Variants in DENND4B observed in about 807,000 individuals in gnomAD.
DENND4B encodes the protein DENN domain-containing protein 4B.
Under a neutral mutation model 161.0 loss-of-function variants are expected in DENND4B, and 67 were observed. The ratio of observed to expected loss-of-function variants is 0.42; its 90% CI spans 0.34 to 0.51. DENND4B has a LOEUF of 0.51. Ranked by LOEUF, DENND4B falls within the 20% of genes least tolerant of loss-of-function variation. DENND4B has a pLI of 0.08. For synonymous variants in DENND4B, 753 were observed against 813.8 expected (o/e 0.93, Z 1.27); for missense variants, 1,481 against 1,968.0 (o/e 0.75, Z 4.68).
chr1:153,940,818 G>A lies in DENND4B; in HGVS notation c.1326+86C>T, dbSNP rs1679621300. 1 of 1,492,608 alleles carries A rather than the reference G, an allele frequency of 6.7e-7. No homozygotes were observed. The highest frequency in any genetic ancestry group is 8.9e-7 in the Non-Finnish European group (1 of 1,124,894). 92.5% of individuals were successfully genotyped at this position (1,492,608 alleles called of 1,614,324 possible). The stretch of plus-strand genomic sequence containing the variant: ...GGGGCTGAGGATCCTCCACAAGGAA[G>A]GAAAAGGGAAGAGTCCAGGCAGGGA... On this transcript the variant is annotated intron_variant, in intron 9 of 27. Coordinates refer to ENST00000361217, the MANE Select transcript of DENND4B (RefSeq NM_014856.3). This position sits in a 1 kb window ranked among gnomAD's most constrained non-coding sequence, Gnocchi z 5.6.
intron 24 of DENND4B, among the ~76,000 whole-genome samples, chr1:153,931,930 A>C (rs1678974921): frequency 6.6e-6 from 1 of 151,780 alleles, no homozygotes. Context: ...CAGCCTCCCG[A>C]GTAGCTGGGA....
chr1:153,946,562 C>T lies in DENND4B; in HGVS notation c.-285G>A. The T allele has an allele frequency of 2.6e-6, 1 of 389,228 alleles. No homozygotes were observed. The highest frequency in any genetic ancestry group is 4.5e-6 in the Non-Finnish European group (1 of 219,834). The allele number at this position is 389,228 out of a possible 1,614,324, so 24.1% of individuals were successfully genotyped here. A position where few individuals can be genotyped will look rare whatever the true frequency, so the allele number is the denominator to read the frequency against. ...CTGTGCTGCCGCGCTGCTCGCTCGG[C>T]CGGCTCGGTCCTCCCAGCTCCCGCG... On this transcript the variant is annotated 5_prime_UTR_variant, in exon 1 of 28. Transcript: ENST00000361217. The surrounding 1 kb of genome is among the most constrained non-coding windows in gnomAD (Gnocchi z 6.3).
At chr1:153,931,447 C>T (rs908369452) in intron 24 of DENND4B, among the ~76,000 whole-genome samples, 32 of 151,636 alleles carry the variant, frequency 2.1e-4, no homozygotes, top group Admixed American at 4.6e-4. Flanking sequence ...TAAAGTGAAA[C>T]GGCAAGGATC....
chr1:153,940,787 G>A lies in DENND4B; in HGVS notation c.1326+117C>T. ...TATGTGTTCCTGCAGGCTGTGCCCA[G>A]GGAAAGGGGCTGAGGATCCTCCACA... On this transcript the variant is annotated intron_variant, in intron 9 of 27. Coordinates refer to ENST00000361217, the MANE Select transcript of DENND4B (RefSeq NM_014856.3). This position sits in a 1 kb window ranked among gnomAD's most constrained non-coding sequence, Gnocchi z 5.6. 2 of 1,462,974 alleles carry A rather than the reference G, an allele frequency of 1.4e-6. No homozygotes were observed. The highest frequency in any genetic ancestry group is 5.0e-5 in the Admixed American group (2 of 39,642). The allele number at this position is 1,462,974 out of a possible 1,614,324, so 90.6% of individuals were successfully genotyped here. A position where few individuals can be genotyped will look rare whatever the true frequency, so the allele number is the denominator to read the frequency against.
chr1:153,933,864 C>T lies in DENND4B; in HGVS notation c.2949G>A (p.Glu983=), dbSNP rs1217403952. Residue 983 remains glutamate (E), a synonymous_variant, in exon 20 of 28, where the codon GAG becomes GAA. Coordinates refer to ENST00000361217, the MANE Select transcript of DENND4B (RefSeq NM_014856.3). This position sits in a 1 kb window ranked among gnomAD's most constrained non-coding sequence, Gnocchi z 5.7. ...CCCGGGGTTCCAGGACCCCCAAGGC[C>T]TCTATCACTGCAGCACAGAAAAGAA... ...TVEAGVAHMI[E]ALGVLEPRGS... is the part of the protein sequence containing the mutation. 6 of 1,612,608 alleles carry T rather than the reference C, an allele frequency of 3.7e-6. No homozygotes were observed. Among genetic ancestry groups the T allele is most frequent in the Non-Finnish European group, 4.2e-6 (5 of 1,179,592 alleles).
chr1:153,933,284 T>C lies in DENND4B; in HGVS notation c.3366A>G (p.Ser1122=), dbSNP rs780273724. ...GACTCAGGTTGCTGAGAGAAGATTC[T>C]GAGAGGTCCCACTCACTGCCCAGAG... is the stretch of plus-strand genomic sequence containing the variant. ...SASLGSEWDL[S]ESSLSNLSLR... Residue 1122 remains serine (S), a synonymous_variant, in exon 21 of 28, where the codon TCA becomes TCG. Coordinates refer to ENST00000361217, the MANE Select transcript of DENND4B (RefSeq NM_014856.3). The surrounding 1 kb of genome is among the most constrained non-coding windows in gnomAD (Gnocchi z 5.7). 6.2e-6 allele frequency: 10 copies of C among 1,613,276 alleles called. No individual in the cohort carries two copies. The Admixed American group carries it at 1.5e-4, about 24-fold the overall frequency.
chr1:153,930,662 C>G lies in DENND4B; in HGVS notation c.4280+30G>C, dbSNP rs745448760. The stretch of plus-strand genomic sequence containing the variant: ...AAAGGGGTGTGGAGCCCCGGACAGA[C>G]CAGGGATCACCCAGATGGTAGCACC... On this transcript the variant is annotated intron_variant, in intron 26 of 27. Coordinates refer to ENST00000361217, the MANE Select transcript of DENND4B (RefSeq NM_014856.3). The surrounding 1 kb of genome is among the most constrained non-coding windows in gnomAD (Gnocchi z 4.7). 1 of 1,613,468 alleles carries G rather than the reference C, an allele frequency of 6.2e-7. No individual in the cohort carries two copies. Among genetic ancestry groups the G allele is most frequent in the African/African-American group, 1.3e-5 (1 of 75,042 alleles).
rs1395837891 is a variant in DENND4B, at chr1:153,946,106, T to A, written c.-24+195A>T. On this transcript the variant is annotated intron_variant, in intron 1 of 27. Coordinates refer to ENST00000361217, the MANE Select transcript of DENND4B (RefSeq NM_014856.3). This position sits in a 1 kb window ranked among gnomAD's most constrained non-coding sequence, Gnocchi z 6.3. ...CGGCACCCACGGGAGCAGAAGGGGGTGCAGGAGGCCGGGCACGGCGAGCTA... is the reference window on the plus strand; with the variant it reads ...CGGCACCCACGGGAGCAGAAGGGGGAGCAGGAGGCCGGGCACGGCGAGCTA... Among the ~76,000 whole-genome samples the A allele has an allele frequency of 6.6e-6, 1 of 151,832 alleles. No homozygotes were observed. Among genetic ancestry groups the A allele is most frequent in the Non-Finnish European group, 1.5e-5 (1 of 67,946 alleles).
chr1:153,934,771 C>A lies in DENND4B; in HGVS notation c.2762G>T (p.Ser921Ile). 1 of 1,612,524 alleles carries A rather than the reference C, an allele frequency of 6.2e-7. No homozygotes were observed. The change falls in exon 18 of 28, where the codon AGC becomes ATC. Residue 921 changes from serine to isoleucine, a missense_variant. Transcript: ENST00000361217. This position sits in a 1 kb window ranked among gnomAD's most constrained non-coding sequence, Gnocchi z 5.3. Reference protein sequence around the residue: ...EQVSAHQEAGSSQAEPYLERP... With the variant: ...EQVSAHQEAGISQAEPYLERP... ...CAGGCCCTACCCACCTGCCTGGGAG[C>A]TGCCTGCCTCTTGATGTGCTGACAC... is the stretch of plus-strand genomic sequence containing the variant.
rs187284284 is a variant in DENND4B at position 153,932,783 on chromosome 1, G to A, written c.3624-6C>T. The A allele has an allele frequency of 3.5e-4, 567 of 1,613,924 alleles. 1 individual carries two copies. The African/African-American group carries it at 6.9e-3, about 20-fold the overall frequency. The stretch of plus-strand genomic sequence containing the variant: ...CAGATTTGGGGCTGGGGACACTGCA[G>A]GGGGATAGCAGCAGGGGTCAGCTTT... On this transcript the variant is annotated splice_polypyrimidine_tract_variant and splice_region_variant and intron_variant, in intron 22 of 27. Transcript: ENST00000361217. The surrounding 1 kb of genome is among the most constrained non-coding windows in gnomAD (Gnocchi z 5.8).
chr1:153,936,509 C>T lies in DENND4B; in HGVS notation c.2439+33G>A. On this transcript the variant is annotated intron_variant, in intron 16 of 27. Transcript: ENST00000361217. The surrounding 1 kb of genome is among the most constrained non-coding windows in gnomAD (Gnocchi z 4.1). ...TCCAGCTGCACAAGGCTCACTGGGC[C>T]TGGGTATGAGCATGGTCACATAGAT... is the stretch of plus-strand genomic sequence containing the variant. 2 of 1,527,970 alleles carry T rather than the reference C, an allele frequency of 1.3e-6. No homozygotes were observed. The highest frequency in any genetic ancestry group is 1.3e-5 in the South Asian group (1 of 79,808). 94.7% of individuals were successfully genotyped at this position (1,527,970 alleles called of 1,614,324 possible).
Position 153,945,000 on chromosome 1 carries a change from G to A in DENND4B, c.-23-603C>T, listed in dbSNP as rs1173704602. On this transcript the variant is annotated intron_variant, in intron 1 of 27. Transcript: ENST00000361217. This position sits in a 1 kb window ranked among gnomAD's most constrained non-coding sequence, Gnocchi z 4.8. ...CTCCACCAATCTGGCCCAAAATCCA[G>A]TGTTCTCACACCTCCAGGATCCTTA... 3.0e-6 allele frequency: 3 copies of A among 1,005,048 alleles called. No individual in the cohort carries two copies. Among genetic ancestry groups the A allele is most frequent in the Non-Finnish European group, 3.9e-6 (3 of 772,712 alleles). 62.3% of individuals were successfully genotyped at this position (1,005,048 alleles called of 1,614,324 possible).
Position 153,929,674 on chromosome 1 carries a change from C to T in DENND4B, c.*623G>A, listed in dbSNP as rs1678792791. 1 of 152,266 alleles carries T rather than the reference C, an allele frequency of 6.6e-6. No homozygotes were observed. The highest frequency in any genetic ancestry group is 2.4e-5 in the African/African-American group (1 of 41,410). 9.4% of individuals were successfully genotyped at this position (152,266 alleles called of 1,614,324 possible). On this transcript the variant is annotated 3_prime_UTR_variant, in exon 28 of 28. Coordinates refer to ENST00000361217, the MANE Select transcript of DENND4B (RefSeq NM_014856.3). ...TCTTCCTAAGGGGAGCTTGAGACTC[C>T]TCTAGCTCCCAGTGCCTGACTTTGA...
chr1:153,937,714 A>G lies in DENND4B; in HGVS notation c.2105+10T>C. 3 of 1,614,044 alleles carry G rather than the reference A, an allele frequency of 1.9e-6. No homozygotes were observed. The highest frequency in any genetic ancestry group is 2.5e-6 in the Non-Finnish European group (3 of 1,179,898). ...GACCCTGGAACATGTGAAGGCTAAG[A>G]GACTCTCACCAGTACTGGGGAGTGG... On this transcript the variant is annotated intron_variant, in intron 14 of 27. Transcript: ENST00000361217. The surrounding 1 kb of genome is among the most constrained non-coding windows in gnomAD (Gnocchi z 4.7).
At chr1:153,941,074 AG>A in intron 8 of DENND4B, 26 bp from the exon 9 acceptor site, 1 of 1,551,824 alleles carries the variant, frequency 6.4e-7, no homozygotes, top group Non-Finnish European at 8.7e-7. Flanking sequence ...AGGTGGGGAA[AG>A]GGTCACCAGG....
In DENND4B at chr1:153,930,439, G is replaced by C. The variant is rs1557843217; in HGVS notation, c.4349C>G (p.Ala1450Gly). ...ALGKDHVDIV[A>G]FDKKYKSAFN... ...GGCAGACTTGTACTTCTTATCGAAG[G>C]CCACTAGGGAAGAAGGTGGAAGTCA... Residue 1450 changes from alanine to glycine, a missense_variant, in exon 28 of 28, where the codon GCC becomes GGC. Physicochemically the swap from Ala to Gly is moderately conservative, Grantham distance 60 (BLOSUM62 0). Around this residue, in one of 3 missense-constraint regions of DENND4B, gnomAD observed 336 missense variants for 503.3 expected, o/e 0.67. Coordinates refer to ENST00000361217, the MANE Select transcript of DENND4B (RefSeq NM_014856.3). The surrounding 1 kb of genome is among the most constrained non-coding windows in gnomAD (Gnocchi z 4.7). The C allele has an allele frequency of 1.2e-6, 2 of 1,613,894 alleles. No individual in the cohort carries two copies. The highest frequency in any genetic ancestry group is 1.7e-6 in the Non-Finnish European group (2 of 1,179,800).
At position 153,943,079 on chromosome 1, in the gene DENND4B, G is replaced by A; in HGVS notation, c.369C>T (p.Asp123=). Residue 123 remains aspartate, a synonymous_variant, in exon 3 of 28, where the codon GAC becomes GAT. Coordinates refer to ENST00000361217, the MANE Select transcript of DENND4B (RefSeq NM_014856.3). ...ERPKPGFQVL[D]TTPYSHSANL... is the part of the protein sequence containing the mutation. ...TTGCTGAGTGGCTGTAGGGTGTCGT[G>A]TCAAGCACTTGGAAGCCAGGCTTGG... 6.2e-7 allele frequency: 1 copy of A among 1,613,982 alleles called. No homozygotes were observed. The highest frequency in any genetic ancestry group is 1.1e-5 in the South Asian group (1 of 91,076).
chr1:153,942,452 G>A lies in DENND4B; in HGVS notation c.641-96C>T. On this transcript the variant is annotated intron_variant, in intron 4 of 27. Transcript: ENST00000361217. This position sits in a 1 kb window ranked among gnomAD's most constrained non-coding sequence, Gnocchi z 6.9. ...AGGGATCCCAGAGAAGGCCCGAGTAGCAAAGAGAAAGTAAACTCTGGGGAC... is the reference window on the plus strand; with the variant it reads ...AGGGATCCCAGAGAAGGCCCGAGTAACAAAGAGAAAGTAAACTCTGGGGAC... The A allele has an allele frequency of 6.4e-7, 1 of 1,564,942 alleles. No individual in the cohort carries two copies. Among genetic ancestry groups the A allele is most frequent in the Non-Finnish European group, 8.7e-7 (1 of 1,154,106 alleles).
In DENND4B at chr1:153,930,843, G is replaced by A. The variant is rs1678871905; in HGVS notation, c.4129C>T (p.Arg1377Trp). Residue 1377 changes from arginine (R) to tryptophan (W), a missense_variant, in exon 26 of 28, where the codon CGG (arginine) becomes TGG (tryptophan). Transcript: ENST00000361217. This position sits in a 1 kb window ranked among gnomAD's most constrained non-coding sequence, Gnocchi z 4.7. Reference protein sequence around the residue: ...LWRVHSQIPQRVVWPGPVPAS... With the variant: ...LWRVHSQIPQWVVWPGPVPAS... ...GGTACAGGGCCTGGCCATACCACCC[G>A]CTGGGGGATCTGGCCTGGATGAAAG... 6.3e-7 allele frequency: 1 copy of A among 1,599,258 alleles called. No homozygotes were observed. The highest frequency in any genetic ancestry group is 8.5e-7 in the Non-Finnish European group (1 of 1,172,960).
Sources: gnomAD v4.1 joint callset for allele counts (sites outside exome capture counted in the v4.1 genomes callset) on GRCh38, gnomAD v4.1.1 for gene constraint, gnomAD v4.1.1 regional missense constraint, Gnocchi (gnomAD v3.1) non-coding constraint, MANE v1.5 for transcripts, NCBI Gene and HGNC (gene_info 2026-07-23, HGNC 2026-07-21) for gene names.